RBFOX1: variants seen among roughly 807,000 people sequenced by gnomAD.
The protein encoded by RBFOX1 is RNA binding protein fox-1 homolog 1.
RBFOX1 carries 8 observed loss-of-function variants against 57.7 expected under a neutral mutation model. That is an observed-to-expected ratio of 0.14 (90% CI 0.08 to 0.25). The LOEUF (loss-of-function observed/expected upper bound fraction) is 0.25, where lower values mean the gene tolerates loss of function less well. RBFOX1 is among the 10% of genes least tolerant of loss of function. The pLI, the probability that RBFOX1 is intolerant of heterozygous loss-of-function variation, is 1.00. For missense variants in RBFOX1, 611 were observed against 548.5 expected (o/e 1.11, Z -1.14); for synonymous variants, 326 against 222.4 (o/e 1.47, Z -4.15).
At chr16:7,454,444 C>T (rs1410216289) in intron 4 of RBFOX1, among the ~76,000 whole-genome samples, 2 of 152,222 alleles carry the variant, frequency 1.3e-5, no homozygotes, top group Non-Finnish European at 2.9e-5. Flanking sequence ...TCTAGCCCTG[C>T]AGCTCACCCT....
chr16:5,395,935 C>G (rs991474318), intron 1 of RBFOX1, among the ~76,000 whole-genome samples: 2 of 152,152 alleles, frequency 1.3e-5, no homozygotes, highest in African/African-American at 2.4e-5. Context: ...GCTGACAACC[C>G]TCGGGAGCTT....
chr16:6,503,669 C>A (rs1403147047), intron 2 of RBFOX1, among the ~76,000 whole-genome samples: 1 of 152,148 alleles, frequency 6.6e-6, no homozygotes, highest in Non-Finnish European at 1.5e-5. Context: ...AGCAGTGTAG[C>A]AATCTCTAAC....
intron 3 of RBFOX1, among the ~76,000 whole-genome samples, chr16:6,986,591 C>G (rs1392445417): frequency 6.6e-6 from 1 of 152,242 alleles, no homozygotes; most frequent in East Asian, 1.9e-4. Flanking sequence ...TGGGCCTGGC[C>G]CAGAATCACC....
At chr16:6,586,623 C>G (rs772191788) in intron 2 of RBFOX1, among the ~76,000 whole-genome samples, 6 of 152,304 alleles carry the variant, frequency 3.9e-5, no homozygotes, top group East Asian at 1.9e-4. Context: ...ACATTACACA[C>G]TCTTCTGTAT....
chr16:7,376,883 C>G (rs902361531), intron 4 of RBFOX1, among the ~76,000 whole-genome samples: 4 of 152,000 alleles, frequency 2.6e-5, no homozygotes, highest in African/African-American at 9.7e-5. Context: ...CTACCAGTGT[C>G]TGGATTTCCT....
chr16:7,667,098 A>C (rs2069597598), intron 13 of RBFOX1, among the ~76,000 whole-genome samples: 1 of 152,252 alleles, frequency 6.6e-6, no homozygotes. Flanking sequence ...ATCAGGTGGC[A>C]GAAAAAGTTC....
chr16:7,060,919 G>A (rs2054042972), intron 4 of RBFOX1, among the ~76,000 whole-genome samples: 1 of 152,150 alleles, frequency 6.6e-6, no homozygotes. Context: ...TCAGTGATTA[G>A]CTCAGGGGTT....
At chr16:5,379,338 C>G (rs191913729) in intron 1 of RBFOX1, among the ~76,000 whole-genome samples, 1 of 151,548 alleles carries the variant, frequency 6.6e-6, no homozygotes, top group Admixed American at 6.5e-5. Context: ...ACATTCAGAC[C>G]TCTCAGAGAA....
chr16:6,397,337 G>A (rs1474114982), intron 2 of RBFOX1, among the ~76,000 whole-genome samples: 6 of 152,128 alleles, frequency 3.9e-5, no homozygotes, highest in East Asian at 1.9e-4. Context: ...AGTGATATCC[G>A]TGATGGTCAG....
intron 1 of RBFOX1, among the ~76,000 whole-genome samples, chr16:6,167,825 G>T (rs1023907941): frequency 6.6e-6 from 1 of 152,118 alleles, no homozygotes; most frequent in African/African-American, 2.4e-5. Context: ...CCCATAGCAG[G>T]CATCTAAGGC....
At chr16:5,960,854 C>T (rs1024101888) in intron 4 of RBFOX1, among the ~76,000 whole-genome samples, 8 of 152,158 alleles carry the variant, frequency 5.3e-5, no homozygotes, top group Admixed American at 4.6e-4. Flanking sequence ...TTTCCTGGAA[C>T]ATGAAGATCA....
At chr16:7,017,000 C>T (rs1230235039) in intron 3 of RBFOX1, among the ~76,000 whole-genome samples, 4 of 152,070 alleles carry the variant, frequency 2.6e-5, no homozygotes, top group South Asian at 2.1e-4. Flanking sequence ...CCTGGTTGAG[C>T]GACCCTCTTT....
intron 1 of RBFOX1, among the ~76,000 whole-genome samples, chr16:5,446,497 T>A (rs944549164): frequency 1.3e-5 from 2 of 152,124 alleles, no homozygotes; most frequent in African/African-American, 4.8e-5. Flanking sequence ...TCTCCCTAAA[T>A]GGTCCTCTGG....
At chr16:5,631,292 C>G (rs892522034) in intron 3 of RBFOX1, among the ~76,000 whole-genome samples, 1 of 152,180 alleles carries the variant, frequency 6.6e-6, no homozygotes. Context: ...GGCGTGGTGG[C>G]TTACGCCTGT....
At chr16:5,315,907 C>T (rs886393024) in intron 1 of RBFOX1, among the ~76,000 whole-genome samples, 1 of 152,094 alleles carries the variant, frequency 6.6e-6, no homozygotes, top group Non-Finnish European at 1.5e-5. Flanking sequence ...TTCTCATAGG[C>T]CTGTCTTTGG....
intron 2 of RBFOX1, among the ~76,000 whole-genome samples, chr16:6,607,408 AGT>A (rs1271527790): frequency 8.4e-6 from 1 of 119,598 alleles, no homozygotes; most frequent in Non-Finnish European, 1.6e-5. Context: ...TAGGTCTTTC[AGT>A]CTCTCTCCTC....
At chr16:7,484,447 C>G (rs1001469559) in intron 4 of RBFOX1, among the ~76,000 whole-genome samples, 1 of 152,122 alleles carries the variant, frequency 6.6e-6, no homozygotes, top group Non-Finnish European at 1.5e-5. Context: ...TGCTTTTCCA[C>G]TGGCATTGTA....
chr16:6,915,186 C>T (rs1213553159), intron 3 of RBFOX1, among the ~76,000 whole-genome samples: 3 of 152,174 alleles, frequency 2.0e-5, no homozygotes, highest in African/African-American at 4.8e-5. Context: ...GCTGCTTTCC[C>T]CAGGCTCCCG....
At chr16:5,861,610 C>A (rs988616229) in intron 3 of RBFOX1, among the ~76,000 whole-genome samples, 1 of 152,282 alleles carries the variant, frequency 6.6e-6, no homozygotes, top group East Asian at 1.9e-4. Context: ...GCTTAGATAT[C>A]CTTGACGAAC....
Sources: gnomAD v4.1 joint callset for allele counts (sites outside exome capture counted in the v4.1 genomes callset) on GRCh38, gnomAD v4.1.1 for gene constraint, MANE v1.5 for transcripts, NCBI Gene and HGNC (gene_info 2026-07-23, HGNC 2026-07-21) for gene names.